Variants in GALNT1 observed in about 807,000 individuals in gnomAD.
GALNT1 encodes the protein polypeptide N-acetylgalactosaminyltransferase 1, also known as GalNAc transferase 1.
A neutral mutation model predicts 65.7 loss-of-function variants in GALNT1; 17 were observed. The observed-to-expected ratio is 0.26, with a 90% CI of 0.18 to 0.39. GALNT1 has a LOEUF of 0.39. Among genes scored for constraint, GALNT1 ranks in the 10% least tolerant of loss-of-function variants. GALNT1 has a pLI of 1.00. For missense variants in GALNT1, 460 were observed against 672.8 expected (o/e 0.68, Z 3.50); for synonymous variants, 210 against 219.7 (o/e 0.96, Z 0.39).
intron 8 of GALNT1, 21 bp from the exon 9 acceptor site, chr18:35,692,160 G>C (rs1239194066): frequency 6.9e-6 from 11 of 1,589,900 alleles, no homozygotes; most frequent in Non-Finnish European, 8.6e-6. Context: ...ATAATTCAGA[G>C]TCAATTATTT....
At chr18:35,647,361 C>G (rs2047244306) in intron 1 of GALNT1, among the ~76,000 whole-genome samples, 1 of 152,168 alleles carries the variant, frequency 6.6e-6, no homozygotes. Context: ...GGAGTGTGTG[C>G]ATTTTGTTCA....
intron 1 of GALNT1, among the ~76,000 whole-genome samples, chr18:35,618,502 G>C (rs1301220470): frequency 6.6e-6 from 1 of 151,900 alleles, no homozygotes; most frequent in Non-Finnish European, 1.5e-5. Context: ...AGACAAACAT[G>C]TGTAACTGTT....
chr18:35,642,011 T>C (rs2144304307), intron 1 of GALNT1, among the ~76,000 whole-genome samples: 1 of 152,352 alleles, frequency 6.6e-6, no homozygotes, highest in East Asian at 1.9e-4. Context: ...ATGTACCTCT[T>C]ACAGATGCTT....
intron 9 of GALNT1, 69 bp downstream of exon 9, chr18:35,692,389 G>GAGTT: frequency 9.7e-7 from 1 of 1,028,662 alleles, no homozygotes; most frequent in South Asian, 2.8e-5. Context: ...AAAAAAATAG[G>GAGTT]AGTTAGTTAA....
intron 3 of GALNT1, among the ~76,000 whole-genome samples, chr18:35,676,404 G>A (rs2047711417): frequency 2.6e-5 from 4 of 152,178 alleles, no homozygotes; most frequent in African/African-American, 7.2e-5. Flanking sequence ...GGGCCCCTAC[G>A]ATGACTTCTT....
At chr18:35,690,961 A>G in intron 7 of GALNT1, 51 bp from the exon 8 acceptor site, 2 of 1,451,266 alleles carry the variant, frequency 1.4e-6, no homozygotes, top group Non-Finnish European at 1.8e-6. Context: ...TAAGGTGAAC[A>G]TTTCCTGATT....
At position 35,710,285 on chromosome 18, in the gene GALNT1, T is replaced by G. The variant is rs2144793851; in HGVS notation, c.*515T>G. On this transcript the variant is annotated 3_prime_UTR_variant, in exon 12 of 12. Coordinates refer to ENST00000269195, the MANE Select transcript of GALNT1 (RefSeq NM_020474.4). ...TTTTACAACAACAAAAAAACTATAT[T>G]AAACAGGGTTTAAAGGAAATTAAAA... is the stretch of plus-strand genomic sequence containing the variant. The G allele has an allele frequency of 6.5e-6, 1 of 153,376 alleles. No individual in the cohort carries two copies. The highest frequency in any genetic ancestry group is 1.5e-5 in the Non-Finnish European group (1 of 68,502). 9.5% of individuals were successfully genotyped at this position (153,376 alleles called of 1,614,324 possible). A position where few individuals can be genotyped will look rare whatever the true frequency, so the allele number is the denominator to read the frequency against.
At chr18:35,684,478 C>T (rs532110357) in intron 5 of GALNT1, among the ~76,000 whole-genome samples, 1 of 152,214 alleles carries the variant, frequency 6.6e-6, no homozygotes, top group African/African-American at 2.4e-5. Context: ...AAATTATTTT[C>T]TTTAAATAAT....
chr18:35,701,735 T>G (rs1437053506), intron 9 of GALNT1, among the ~76,000 whole-genome samples: 1 of 152,204 alleles, frequency 6.6e-6, no homozygotes, highest in Non-Finnish European at 1.5e-5. Context: ...TAGGTAGCAC[T>G]TCTCAAGAGG....
intron 1 of GALNT1, among the ~76,000 whole-genome samples, chr18:35,639,986 A>G (rs2047140703): frequency 2.0e-5 from 3 of 152,110 alleles, no homozygotes; most frequent in Admixed American, 2.0e-4. Context: ...AAGTAGAGAC[A>G]GGGTTTCACC....
At chr18:35,609,130 T>A (rs904944741) in intron 1 of GALNT1, among the ~76,000 whole-genome samples, 2 of 152,240 alleles carry the variant, frequency 1.3e-5, no homozygotes, top group Non-Finnish European at 2.9e-5. Context: ...AATAGCAGTC[T>A]GTGTTTATTG....
chr18:35,709,677 A>G lies in GALNT1; in HGVS notation c.1587A>G (p.Glu529=). 2 of 1,614,126 alleles carry G rather than the reference A, an allele frequency of 1.2e-6. No homozygotes were observed. The highest frequency in any genetic ancestry group is 1.7e-6 in the Non-Finnish European group (2 of 1,180,012). Residue 529 remains glutamate (E), a synonymous_variant, in exon 12 of 12, where the codon GAA becomes GAG. Transcript: ENST00000269195. ...NSNQCLDKAT[E]EDSQVPSIRD... is the part of the protein sequence containing the mutation. ...ATCAGTGCCTGGATAAAGCCACAGAAGAGGATAGCCAGGTGCCCAGCATTA... is the reference window on the plus strand; with the variant it reads ...ATCAGTGCCTGGATAAAGCCACAGAGGAGGATAGCCAGGTGCCCAGCATTA...
intron 1 of GALNT1, among the ~76,000 whole-genome samples, chr18:35,640,331 AT>A (rs1470106742): frequency 2.6e-5 from 4 of 152,114 alleles, no homozygotes; most frequent in Middle Eastern, 3.4e-3. Flanking sequence ...ATTTTTGTAA[AT>A]CAGCAATAAA....
At position 35,706,306 on chromosome 18, in the gene GALNT1, C is replaced by T. The variant is rs148004804; in HGVS notation, c.1533+2663C>T. On this transcript the variant is annotated intron_variant, in intron 11 of 11. Coordinates refer to ENST00000269195, the MANE Select transcript of GALNT1 (RefSeq NM_020474.4). Reference sequence around the variant, plus strand: ...TGGGCGGATGACGAGGTCAGGAGATCGAGACCACAGTGAAACCTCGTCTCT... The same window carrying T: ...TGGGCGGATGACGAGGTCAGGAGATTGAGACCACAGTGAAACCTCGTCTCT... Among the ~76,000 whole-genome samples, 214 of 151,950 alleles carry T rather than the reference C, an allele frequency of 1.4e-3. 2 individuals are homozygous for T. The highest frequency in any genetic ancestry group is 4.5e-3 in the African/African-American group (187 of 41,478).
intron 2 of GALNT1, among the ~76,000 whole-genome samples, chr18:35,660,529 G>A (rs2047463379): frequency 6.6e-6 from 1 of 152,148 alleles, no homozygotes; most frequent in South Asian, 2.1e-4. Context: ...TGAGCTGCAT[G>A]TAGAATTTTA....
intron 5 of GALNT1, among the ~76,000 whole-genome samples, chr18:35,685,287 A>G (rs1030902346): frequency 6.6e-5 from 10 of 152,180 alleles, no homozygotes; most frequent in Non-Finnish European, 1.5e-4. Flanking sequence ...GTTTAGCGTA[A>G]TATTACAAAA....
intron 1 of GALNT1, among the ~76,000 whole-genome samples, chr18:35,610,268 G>C (rs1268060602): frequency 6.6e-6 from 1 of 152,136 alleles, no homozygotes; most frequent in African/African-American, 2.4e-5. Context: ...CCTGTGTCTG[G>C]CTCCCTGCTC....
At chr18:35,688,755 G>C (rs999174796) in intron 6 of GALNT1, among the ~76,000 whole-genome samples, 4 of 152,090 alleles carry the variant, frequency 2.6e-5, no homozygotes, top group Non-Finnish European at 5.9e-5. Flanking sequence ...CAATCTACTT[G>C]GTTAATATAG....
In GALNT1 at chr18:35,689,257, T is replaced by A. The variant is rs778648249; in HGVS notation, c.945T>A (p.Ile315=). The change falls in exon 7 of 12, where the codon ATT becomes ATA. Residue 315 remains isoleucine, a synonymous_variant. Transcript: ENST00000269195. ...EIGTYDAGMD[I]WGGENLEISF... is the part of the protein sequence containing the mutation. ...GAACATATGATGCTGGAATGGATAT[T>A]TGGGGAGGAGAAAACCTAGAAATTT... 4 of 1,608,348 alleles carry A rather than the reference T, an allele frequency of 2.5e-6. No individual in the cohort carries two copies. In the Admixed American group the frequency reaches 6.8e-5, roughly 27 times the overall value.
Sources: gnomAD v4.1 joint callset for allele counts (sites outside exome capture counted in the v4.1 genomes callset) on GRCh38, gnomAD v4.1.1 for gene constraint, MANE v1.5 for transcripts, NCBI Gene and HGNC (gene_info 2026-07-23, HGNC 2026-07-21) for gene names.